The following CATSPERE variants were observed in gnomAD, a reference collection of about 807,000 sequenced individuals.
The protein encoded by CATSPERE is cation channel sperm-associated auxiliary subunit epsilon.
CATSPERE carries 93 observed loss-of-function variants against 114.1 expected under a neutral mutation model. The observed-to-expected ratio is 0.81, with a 90% CI of 0.69 to 0.97. The LOEUF is 0.97. Ranked by LOEUF, CATSPERE falls within the 50% of genes least tolerant of loss-of-function variation. The pLI is 0.00. For missense variants in CATSPERE, 1,058 were observed against 1,131.6 expected (o/e 0.93, Z 0.93); for synonymous variants, 341 against 384.1 (o/e 0.89, Z 1.31).
At chr1:244,494,191 C>T (rs1407915817) in intron 6 of CATSPERE, among the ~76,000 whole-genome samples, 6 of 151,882 alleles carry the variant, frequency 4.0e-5, no homozygotes, top group East Asian at 1.9e-4. Flanking sequence ...AGCAAAGACT[C>T]GGAACCAACC....
rs370405403 is a variant in CATSPERE, at chr1:244,557,171, GTTC to G, written c.1030-3490_1030-3488del. Among the ~76,000 whole-genome samples, 13 of 152,048 alleles carry G rather than the reference GTTC, an allele frequency of 8.5e-5. No homozygotes were observed. In the East Asian group the frequency reaches 2.1e-3, roughly 25 times the overall value. On this transcript the variant is annotated intron_variant, in intron 9 of 21. Transcript: ENST00000366534. ...GAGGAACTATGATGCTTTAAACTTTGTTCTTCTTCGAGATTGCTTTGGCTCCTC... is the reference window on the plus strand; with the variant it reads ...GAGGAACTATGATGCTTTAAACTTTGTTCTTCGAGATTGCTTTGGCTCCTC...
Position 244,523,236 on chromosome 1 carries a change from C to T in CATSPERE, c.536+4538C>T, listed in dbSNP as rs556472483. On this transcript the variant is annotated intron_variant, in intron 8 of 21. Coordinates refer to ENST00000366534, the MANE Select transcript of CATSPERE (RefSeq NM_001130957.2). The stretch of plus-strand genomic sequence containing the variant: ...TATAAACAGAACCAAAGACAAAAAC[C>T]ACATGATTATCTCAATAGATGCAGA... Among the ~76,000 whole-genome samples, 17 of 148,910 alleles carry T rather than the reference C, an allele frequency of 1.1e-4. No homozygotes were observed. The East Asian group carries it at 3.3e-3, about 29-fold the overall frequency.
chr1:244,636,720 T>C (rs1428659570), intron 21 of CATSPERE: 1 of 152,768 alleles, frequency 6.5e-6, no homozygotes, highest in Non-Finnish European at 1.5e-5. Flanking sequence ...AGCCAGGGCA[T>C]ATGAGCACAG....
At position 244,568,101 on chromosome 1, in the gene CATSPERE, C is replaced by T. The variant is rs1663871630; in HGVS notation, c.1508-4229C>T. 6.6e-6 allele frequency among the ~76,000 whole-genome samples: 1 copy of T among 152,214 alleles called. No homozygotes were observed. Among genetic ancestry groups the T allele is most frequent in the South Asian group, 2.1e-4 (1 of 4,834 alleles). Reference sequence around the variant, plus strand: ...TTTTCCTTCTAACAGTCAGGCTCCTCTCCTGCAGGTCTGCTGGAGTTTGCT... The same window carrying T: ...TTTTCCTTCTAACAGTCAGGCTCCTTTCCTGCAGGTCTGCTGGAGTTTGCT... On this transcript the variant is annotated intron_variant, in intron 10 of 21. Transcript: ENST00000366534. The surrounding 1 kb of genome is among the most constrained non-coding windows in gnomAD (Gnocchi z 4.4).
At position 244,572,401 on chromosome 1, in the gene CATSPERE, G is replaced by A; in HGVS notation, c.1579G>A (p.Ala527Thr). The A allele has an allele frequency of 6.4e-7, 1 of 1,560,482 alleles. No homozygotes were observed. The highest frequency in any genetic ancestry group is 8.8e-7 in the Non-Finnish European group (1 of 1,131,626). The change falls in exon 11 of 22, where the codon GCA (alanine) becomes ACA (threonine). Residue 527 changes from alanine to threonine, a missense_variant. By Grantham distance (58) the Ala-to-Thr change is moderately conservative (BLOSUM62 0). Coordinates refer to ENST00000366534, the MANE Select transcript of CATSPERE (RefSeq NM_001130957.2). ...IFYSKINTRD[A>T]VKLHLWTNYT... is the part of the protein sequence containing the mutation. Reference sequence around the variant, plus strand: ...TTATTCCAAGATTAATACTAGAGATGCAGTAAAGCTGCATTTATGGACAAA... The same window carrying A: ...TTATTCCAAGATTAATACTAGAGATACAGTAAAGCTGCATTTATGGACAAA...
intron 20 of CATSPERE, among the ~76,000 whole-genome samples, chr1:244,624,411 C>T (rs535963025): frequency 6.6e-6 from 1 of 152,310 alleles, no homozygotes; most frequent in African/African-American, 2.4e-5. Flanking sequence ...CCTCTCAAAG[C>T]TTACCACTGC....
In CATSPERE at chr1:244,552,609, C is replaced by T; in HGVS notation, c.824C>T (p.Pro275Leu). ...AAATCTTGGACCAGAATCAGAGTGC[C>T]TCCAGACATTCTGAGTGATGATGAA... ...SFKSWTRIRV[P>L]PDILSDDERR... is the part of the protein sequence containing the mutation. Residue 275 changes from proline (P) to leucine (L), a missense_variant, in exon 9 of 22, where the codon CCT (proline) becomes CTT (leucine). Pro to Leu is a moderately conservative substitution (Grantham distance 98, BLOSUM62 -3). This residue lies in a region of CATSPERE where 787 missense variants were observed against 905.6 expected (regional missense o/e 0.87). Transcript: ENST00000366534. 6.2e-7 allele frequency: 1 copy of T among 1,614,144 alleles called. No homozygotes were observed. The highest frequency in any genetic ancestry group is 1.3e-5 in the African/African-American group (1 of 75,038).
chr1:244,579,320 C>T (rs144782146), intron 11 of CATSPERE, among the ~76,000 whole-genome samples: 94 of 152,208 alleles, frequency 6.2e-4, no homozygotes, highest in African/African-American at 2.2e-3. Flanking sequence ...GCAAATGGCG[C>T]CATGTGTGGT....
intron 7 of CATSPERE, among the ~76,000 whole-genome samples, chr1:244,505,670 C>A (rs558971818): frequency 1.4e-4 from 22 of 152,228 alleles, no homozygotes; most frequent in African/African-American, 5.3e-4. Context: ...TATTAGTCAG[C>A]TCAGGTGATC....
intron 4 of CATSPERE, among the ~76,000 whole-genome samples, chr1:244,478,663 A>G (rs1669748388): frequency 6.6e-6 from 1 of 152,216 alleles, no homozygotes; most frequent in Non-Finnish European, 1.5e-5. Context: ...ATGAATATTT[A>G]TTCATTTTTC....
intron 2 of CATSPERE, among the ~76,000 whole-genome samples, chr1:244,471,467 T>C (rs758707489): frequency 2.0e-5 from 3 of 152,224 alleles, no homozygotes; most frequent in Non-Finnish European, 4.4e-5. Flanking sequence ...AGTTGCGTTA[T>C]CACCGTAATA....
chr1:244,490,595 G>A lies in CATSPERE; in HGVS notation c.351+124G>A, dbSNP rs573060816. Reference sequence around the variant, plus strand: ...AATTTTGCAATGATATTTGCTTAGAGTATACCTTTCTATAAGACCCATTCA... The same window carrying A: ...AATTTTGCAATGATATTTGCTTAGAATATACCTTTCTATAAGACCCATTCA... On this transcript the variant is annotated intron_variant, in intron 6 of 21. Transcript: ENST00000366534. 6.3e-5 allele frequency: 39 copies of A among 618,930 alleles called. No homozygotes were observed. In the South Asian group the frequency reaches 7.1e-4, roughly 11 times the overall value. 38.3% of individuals were successfully genotyped at this position (618,930 alleles called of 1,614,324 possible).
At chr1:244,491,973 G>T (rs1367058823) in intron 6 of CATSPERE, among the ~76,000 whole-genome samples, 1 of 152,160 alleles carries the variant, frequency 6.6e-6, no homozygotes, top group African/African-American at 2.4e-5. Context: ...ACCAAAAAAA[G>T]TCCAGGACCA....
In CATSPERE at chr1:244,639,930, C is replaced by T. The variant is rs1382229992; in HGVS notation, c.2705C>T (p.Pro902Leu). The T allele has an allele frequency of 1.3e-6, 2 of 1,534,178 alleles. No homozygotes were observed. Among genetic ancestry groups the T allele is most frequent in the East Asian group, 4.9e-5 (2 of 40,650 alleles). ...AIETFGLIPS[P>L]SVYLVASFLF... Reference sequence around the variant, plus strand: ...TTTTTTTTTTTTTCTGATTTCAGTCCAAGTGTCTACCTGGTAGCTTCTTTC... The same window carrying T: ...TTTTTTTTTTTTTCTGATTTCAGTCTAAGTGTCTACCTGGTAGCTTCTTTC... Residue 902 changes from proline (P) to leucine (L), a missense_variant and splice_region_variant, in exon 22 of 22, where the codon CCA becomes CTA. Physicochemically the swap from Pro to Leu is moderately conservative, Grantham distance 98 (BLOSUM62 -3). Around this residue, in one of 2 missense-constraint regions of CATSPERE, gnomAD observed 787 missense variants for 905.6 expected, o/e 0.87. Coordinates refer to ENST00000366534, the MANE Select transcript of CATSPERE (RefSeq NM_001130957.2).
At chr1:244,477,858 A>G in intron 3 of CATSPERE, 48 bp from the exon 4 acceptor site, 3 of 1,383,712 alleles carry the variant, frequency 2.2e-6, no homozygotes, top group Non-Finnish European at 3.0e-6. Context: ...AATTTTATTA[A>G]TATCATATGC....
At chr1:244,597,032 T>C (rs1268865508) in intron 17 of CATSPERE, among the ~76,000 whole-genome samples, 2 of 152,122 alleles carry the variant, frequency 1.3e-5, no homozygotes, top group Non-Finnish European at 2.9e-5. Context: ...ATTTGTAAGC[T>C]AGATCCCCAC....
rs781772816 is a variant in CATSPERE at position 244,498,968 on chromosome 1, A to G, written c.352-34A>G. 2.7e-6 allele frequency: 4 copies of G among 1,500,202 alleles called. No homozygotes were observed. The Admixed American group carries it at 5.2e-5, about 19-fold the overall frequency. The allele number at this position is 1,500,202 out of a possible 1,614,324, so 92.9% of individuals were successfully genotyped here. ...CAACTAAAAAAGAAATTTGTACAAA[A>G]TGTAAAGAAATGCAAACAAATTTTA... is the stretch of plus-strand genomic sequence containing the variant. On this transcript the variant is annotated intron_variant, in intron 6 of 21. Transcript: ENST00000366534.
At chr1:244,478,842 A>T (rs1480457772) in intron 4 of CATSPERE, among the ~76,000 whole-genome samples, 8 of 151,904 alleles carry the variant, frequency 5.3e-5, no homozygotes, top group Admixed American at 5.2e-4. Context: ...AACCTGGCCA[A>T]CATAGTGAAA....
chr1:244,614,891 T>C (rs1299011870), intron 19 of CATSPERE, among the ~76,000 whole-genome samples: 1 of 152,180 alleles, frequency 6.6e-6, no homozygotes, highest in Admixed American at 6.5e-5. Context: ...CACATATTAC[T>C]CTGAATTCAG....
Sources: allele counts gnomAD v4.1 joint callset (sites outside exome capture counted in the v4.1 genomes callset), GRCh38; gene constraint gnomAD v4.1.1; regional missense constraint gnomAD v4.1.1; non-coding constraint Gnocchi (gnomAD v3.1); transcripts MANE v1.5; gene names NCBI Gene and HGNC (gene_info 2026-07-23, HGNC 2026-07-21).